The following PPP2R1A variants were observed in gnomAD, a reference collection of about 807,000 sequenced individuals.
The protein encoded by PPP2R1A is protein phosphatase 2 scaffold subunit Aalpha.
PPP2R1A carries 15 observed loss-of-function variants against 67.1 expected under a neutral mutation model. The ratio of observed to expected loss-of-function variants is 0.22; its 90% CI spans 0.15 to 0.34. The LOEUF (loss-of-function observed/expected upper bound fraction) is 0.34, where lower values mean the gene tolerates loss of function less well. PPP2R1A is among the 10% of genes least tolerant of loss of function. PPP2R1A has a pLI of 1.00. For missense variants in PPP2R1A, 369 were observed against 775.0 expected, an observed-to-expected ratio of 0.48 and a Z score of 6.22; for synonymous variants, 337 against 325.0, an observed-to-expected ratio of 1.04 and a Z score of -0.40.
At chr19:52,210,822 T>G (rs183173145) in intron 3 of PPP2R1A, among the ~76,000 whole-genome samples, 18 of 152,286 alleles carry the variant, frequency 1.2e-4, no homozygotes, top group African/African-American at 4.3e-4. Flanking sequence ...CAGGACTTGC[T>G]TTATAGAATT....
chr19:52,199,323 C>G (rs539677823), intron 1 of PPP2R1A, among the ~76,000 whole-genome samples: 1 of 152,066 alleles, frequency 6.6e-6, no homozygotes, highest in Non-Finnish European at 1.5e-5. Context: ...CCCGCCACCA[C>G]GCCCGGCTAA....
At chr19:52,209,987 A>T (rs560103381) in intron 3 of PPP2R1A, among the ~76,000 whole-genome samples, 77 of 152,320 alleles carry the variant, frequency 5.1e-4, no homozygotes, top group African/African-American at 1.8e-3. Context: ...AGGGTGCCAC[A>T]GTGCCTGCCT....
In PPP2R1A at chr19:52,219,777, C is replaced by A. The variant is rs1347376401; in HGVS notation, c.1215C>A (p.Leu405=). ...TCCGGCAGCTGTCCCAGTCCCTGCT[C>A]CCTGCCATTGTGGAGCTGGCTGAGG... The part of the protein sequence containing the change: ...IGIRQLSQSL[L]PAIVELAEDA... The change falls in exon 10 of 15, where the codon CTC becomes CTA. Residue 405 remains leucine, a synonymous_variant. Coordinates refer to ENST00000322088, the MANE Select transcript of PPP2R1A (RefSeq NM_014225.6). This position sits in a 1 kb window ranked among gnomAD's most constrained non-coding sequence, Gnocchi z 4.0. 1 of 1,614,062 alleles carries A rather than the reference C, an allele frequency of 6.2e-7. No homozygotes were observed. The highest frequency in any genetic ancestry group is 1.1e-5 in the South Asian group (1 of 91,092).
At chr19:52,200,012 C>T (rs1420985057) in intron 1 of PPP2R1A, among the ~76,000 whole-genome samples, 2 of 152,188 alleles carry the variant, frequency 1.3e-5, no homozygotes, top group African/African-American at 2.4e-5. Flanking sequence ...CGTCTGTGAT[C>T]GCAGAGATAT....
chr19:52,208,859 C>T (rs1044992529), intron 3 of PPP2R1A, among the ~76,000 whole-genome samples: 1 of 152,156 alleles, frequency 6.6e-6, no homozygotes, highest in Non-Finnish European at 1.5e-5. Context: ...ATTCTGGACC[C>T]TCTTCTTATA....
chr19:52,190,284 G>C (rs947976647), intron 1 of PPP2R1A, 110 bp downstream of exon 1: 2 of 1,267,276 alleles, frequency 1.6e-6, no homozygotes, highest in East Asian at 2.6e-5. Flanking sequence ...AGGGGGCGAC[G>C]GCCAATCAGC....
At chr19:52,206,125 C>A in intron 3 of PPP2R1A, 62 bp downstream of exon 3, 1 of 1,469,130 alleles carries the variant, frequency 6.8e-7, no homozygotes, top group Non-Finnish European at 9.5e-7. Context: ...GTCCTGCCGG[C>A]CTAGGGCAGG....
At chr19:52,225,909 A>T (rs1979230264) in intron 14 of PPP2R1A, 56 bp from the exon 15 acceptor site, 1 of 1,614,096 alleles carries the variant, frequency 6.2e-7, no homozygotes. Context: ...GTACCTTGGC[A>T]TTGTGGGCAG....
intron 1 of PPP2R1A, among the ~76,000 whole-genome samples, chr19:52,198,505 T>G (rs938076598): frequency 1.3e-5 from 2 of 151,944 alleles, no homozygotes; most frequent in South Asian, 2.1e-4. Flanking sequence ...AACACTTAGG[T>G]TTACCGGTTT....
At position 52,212,243 on chromosome 19, in the gene PPP2R1A, G is replaced by A. The variant is rs568892751; in HGVS notation, c.504-443G>A. On this transcript the variant is annotated intron_variant, in intron 4 of 14. Transcript: ENST00000322088. This position sits in a 1 kb window ranked among gnomAD's most constrained non-coding sequence, Gnocchi z 4.1. ...TGGGACCACAGGTGTGCAACACCACGCTGGGCTCATTTTTTATTTTTGGCA... is the reference window on the plus strand; with the variant it reads ...TGGGACCACAGGTGTGCAACACCACACTGGGCTCATTTTTTATTTTTGGCA... Among the ~76,000 whole-genome samples, 2 of 152,030 alleles carry A rather than the reference G, an allele frequency of 1.3e-5. No individual in the cohort carries two copies. Among genetic ancestry groups the A allele is most frequent in the Non-Finnish European group, 2.9e-5 (2 of 68,006 alleles).
chr19:52,201,681 G>C, intron 1 of PPP2R1A: 1 of 476,602 alleles, frequency 2.1e-6, no homozygotes, highest in Non-Finnish European at 3.9e-6. Flanking sequence ...AGTGGTCCTG[G>C]AAAGTGCAAC....
rs1226782053 is a variant in PPP2R1A, at chr19:52,213,254, G to A, written c.807+144G>A. 2.0e-5 allele frequency: 21 copies of A among 1,076,344 alleles called. No homozygotes were observed. Among genetic ancestry groups the A allele is most frequent in the Admixed American group, 1.1e-4 (3 of 28,330 alleles). 66.7% of individuals were successfully genotyped at this position (1,076,344 alleles called of 1,614,324 possible). On this transcript the variant is annotated intron_variant, in intron 6 of 14. Transcript: ENST00000322088. This position sits in a 1 kb window ranked among gnomAD's most constrained non-coding sequence, Gnocchi z 4.2. ...AAGATCTCTATGATCATCTAACTGC[G>A]TCTCGCTTCGTGTGCCAATCCTGGT... is the stretch of plus-strand genomic sequence containing the variant.
intron 3 of PPP2R1A, among the ~76,000 whole-genome samples, chr19:52,210,524 G>A (rs897785452): frequency 3.6e-5 from 5 of 139,050 alleles, no homozygotes; most frequent in South Asian, 2.3e-4. Context: ...ACGGAGTCTC[G>A]CTGTGTTGCC....
In PPP2R1A at chr19:52,226,178, GAGCAC is replaced by G. The variant is rs1291057526; in HGVS notation, c.*198_*202del. Reference sequence around the variant, plus strand: ...CTGTCCACCTCCCAACGGGCTAGGGGAGCACGGGGTTGGACAGGACAGTGACCTTG... The same window carrying G: ...CTGTCCACCTCCCAACGGGCTAGGGGGGGGTTGGACAGGACAGTGACCTTG... On this transcript the variant is annotated 3_prime_UTR_variant, in exon 15 of 15. Coordinates refer to ENST00000322088, the MANE Select transcript of PPP2R1A (RefSeq NM_014225.6). The G allele has an allele frequency of 1.2e-6, 1 of 821,576 alleles. No homozygotes were observed. The highest frequency in any genetic ancestry group is 1.9e-6 in the Non-Finnish European group (1 of 527,040). 50.9% of individuals were successfully genotyped at this position (821,576 alleles called of 1,614,324 possible). A position where few individuals can be genotyped will look rare whatever the true frequency, so the allele number is the denominator to read the frequency against.
rs1487593719 is a variant in PPP2R1A at position 52,225,825 on chromosome 19, AC to A, written c.1753+18del. On this transcript the variant is annotated intron_variant, in intron 14 of 14. Coordinates refer to ENST00000322088, the MANE Select transcript of PPP2R1A (RefSeq NM_014225.6). Reference sequence around the variant, plus strand: ...CTCTGACTGGTAAGACCTAGAAAGCACGGAGCCCTAGCAGGAGGGTGGACTT... The same window carrying A: ...CTCTGACTGGTAAGACCTAGAAAGCAGGAGCCCTAGCAGGAGGGTGGACTT... The A allele has an allele frequency of 6.2e-7, 1 of 1,613,122 alleles. No homozygotes were observed. Among genetic ancestry groups the A allele is most frequent in the East Asian group, 2.2e-5 (1 of 44,874 alleles).
intron 1 of PPP2R1A, among the ~76,000 whole-genome samples, chr19:52,190,874 T>C (rs936520997): frequency 3.3e-5 from 5 of 152,172 alleles, no homozygotes; most frequent in African/African-American, 1.2e-4. Flanking sequence ...TTTCTTTTTT[T>C]TGAGACAGTC....
intron 14 of PPP2R1A, 46 bp from the exon 15 acceptor site, chr19:52,225,919 G>C (rs756628224): frequency 1.9e-6 from 3 of 1,614,214 alleles, no homozygotes; most frequent in Non-Finnish European, 2.5e-6. Context: ...ATTGTGGGCA[G>C]AGAGAGGGCT....
chr19:52,207,758 A>G (rs995382467), intron 3 of PPP2R1A, among the ~76,000 whole-genome samples: 3 of 152,152 alleles, frequency 2.0e-5, no homozygotes, highest in Non-Finnish European at 2.9e-5. Context: ...ATTTAAGTGA[A>G]TTGTCCGAGC....
chr19:52,210,974 A>C (rs2089662847), intron 3 of PPP2R1A, among the ~76,000 whole-genome samples: 1 of 152,172 alleles, frequency 6.6e-6, no homozygotes, highest in African/African-American at 2.4e-5. Flanking sequence ...CAACGTGTGT[A>C]ATTTTAAGGT....
Sources: gnomAD v4.1 joint callset for allele counts (sites outside exome capture counted in the v4.1 genomes callset) on GRCh38, gnomAD v4.1.1 for gene constraint, Gnocchi (gnomAD v3.1) non-coding constraint, MANE v1.5 for transcripts, NCBI Gene and HGNC (gene_info 2026-07-23, HGNC 2026-07-21) for gene names.